The following BCAS3 variants were observed in gnomAD, a reference collection of about 807,000 sequenced individuals.
The protein encoded by BCAS3 is BCAS4/BCAS3 fusion.
A neutral mutation model predicts 116.1 loss-of-function variants in BCAS3; 53 were observed. That is an observed-to-expected ratio of 0.46 (90% CI 0.37 to 0.57). The LOEUF (loss-of-function observed/expected upper bound fraction) is 0.57. Among genes scored for constraint, BCAS3 ranks in the 20% least tolerant of loss-of-function variants. The pLI, the probability that BCAS3 is intolerant of heterozygous loss-of-function variation, is 0.00. For synonymous variants in BCAS3, 391 were observed against 408.2 expected (o/e 0.96, Z 0.51); for missense variants, 917 against 1,165.4 (o/e 0.79, Z 3.10).
intron 22 of BCAS3, among the ~76,000 whole-genome samples, chr17:61,114,683 C>T (rs1374914652): frequency 7.9e-5 from 12 of 152,066 alleles, no homozygotes; most frequent in Admixed American, 7.9e-4. Context: ...TTTACAGATT[C>T]AATGCTATCC....
In BCAS3 at chr17:61,363,636, T is replaced by C. The variant is rs1311996226; in HGVS notation, c.2426-4691T>C. ...AGTGGACACTAACTAATATTTGATA[T>C]ATGTGTGAGTTAACTGAAATAGCAA... is the stretch of plus-strand genomic sequence containing the variant. On this transcript the variant is annotated intron_variant, in intron 22 of 23. Transcript: ENST00000407086. The surrounding 1 kb of genome is among the most constrained non-coding windows in gnomAD (Gnocchi z 4.9). 6.6e-6 allele frequency among the ~76,000 whole-genome samples: 1 copy of C among 151,906 alleles called. No individual in the cohort carries two copies. Among genetic ancestry groups the C allele is most frequent in the Non-Finnish European group, 1.5e-5 (1 of 68,014 alleles).
intron 7 of BCAS3, among the ~76,000 whole-genome samples, chr17:60,830,156 T>C (rs570710997): frequency 6.6e-6 from 1 of 152,268 alleles, no homozygotes; most frequent in African/African-American, 2.4e-5. Flanking sequence ...CACGCCCGGC[T>C]AATTTTGTAT....
At chr17:60,987,292 C>G (rs1055757666) in intron 14 of BCAS3, 4 of 108,632 alleles carry the variant, frequency 3.7e-5, no homozygotes, top group Admixed American at 9.1e-5. Context: ...TTTTTTTTTT[C>G]TTTTTGCTCA....
At chr17:61,342,139 G>A (rs2057207021) in intron 22 of BCAS3, among the ~76,000 whole-genome samples, 1 of 152,070 alleles carries the variant, frequency 6.6e-6, no homozygotes, top group South Asian at 2.1e-4. Flanking sequence ...GAGTAGCTGG[G>A]ACTACAGGCA....
chr17:61,274,513 T>C (rs1046443564), intron 22 of BCAS3, among the ~76,000 whole-genome samples: 24 of 152,080 alleles, frequency 1.6e-4, no homozygotes, highest in African/African-American at 5.6e-4. Flanking sequence ...GGTCTCAAAC[T>C]CCTGACCTCA....
chr17:61,070,040 A>G (rs1474420366), intron 19 of BCAS3: 2 of 1,595,088 alleles, frequency 1.3e-6, no homozygotes, highest in Non-Finnish European at 1.7e-6. Flanking sequence ...CTCTGGAGAC[A>G]GCCCAAATAT....
Position 61,008,329 on chromosome 17 carries a change from G to C in BCAS3, c.1487-7422G>C, listed in dbSNP as rs746631954. Among the ~76,000 whole-genome samples the C allele has an allele frequency of 6.6e-6, 1 of 152,016 alleles. No homozygotes were observed. The highest frequency in any genetic ancestry group is 1.5e-5 in the Non-Finnish European group (1 of 67,968). On this transcript the variant is annotated intron_variant, in intron 15 of 23. Transcript: ENST00000407086. The surrounding 1 kb of genome is among the most constrained non-coding windows in gnomAD (Gnocchi z 4.6). The stretch of plus-strand genomic sequence containing the variant: ...GGGAGAAGAGAGAGATGGAGAGAGA[G>C]ACACACACTCCCATCCCAACCAAAA...
chr17:60,768,522 C>T (rs1015299755), intron 6 of BCAS3, among the ~76,000 whole-genome samples: 1 of 152,210 alleles, frequency 6.6e-6, no homozygotes, highest in Non-Finnish European at 1.5e-5. Flanking sequence ...CAGACTGGCT[C>T]TCCTTTCTTC....
chr17:60,999,309 G>A (rs1478946105), intron 15 of BCAS3, among the ~76,000 whole-genome samples: 3 of 152,046 alleles, frequency 2.0e-5, no homozygotes, highest in Middle Eastern at 3.2e-3. Context: ...GGAGATGAAG[G>A]CGGATGGATC....
intron 22 of BCAS3, among the ~76,000 whole-genome samples, chr17:61,330,305 GAGT>G (rs1457839541): frequency 2.1e-5 from 3 of 145,934 alleles, no homozygotes; most frequent in East Asian, 2.2e-4. Flanking sequence ...ACCCAGGCTG[GAGT>G]AGTACAGTGG....
intron 12 of BCAS3, among the ~76,000 whole-genome samples, chr17:60,921,823 A>C (rs1193335124): frequency 1.3e-5 from 2 of 151,904 alleles, no homozygotes; most frequent in African/African-American, 2.4e-5. Flanking sequence ...TAAAAAAAAA[A>C]CATGTAAACA....
rs1601405676 is a variant in BCAS3, at chr17:61,120,732, A to G, written c.2425+36168A>G. Among the ~76,000 whole-genome samples the G allele has an allele frequency of 2.6e-5, 4 of 152,256 alleles. No individual in the cohort carries two copies. The East Asian group carries it at 7.7e-4, about 29-fold the overall frequency. ...AAATAAGGACTTTTTTTTAAAAAAC[A>G]AAGTATTATCATGCCTGAGAAGATT... On this transcript the variant is annotated intron_variant, in intron 22 of 23. Coordinates refer to ENST00000407086, the MANE Select transcript of BCAS3 (RefSeq NM_017679.5).
At chr17:60,879,217 T>C (rs923331087) in intron 9 of BCAS3, among the ~76,000 whole-genome samples, 2 of 152,094 alleles carry the variant, frequency 1.3e-5, no homozygotes, top group Non-Finnish European at 2.9e-5. Flanking sequence ...ATAGCCCATG[T>C]TGAATGACAA....
rs2049053635 is a variant in BCAS3, at chr17:61,259,883, T to C, written c.2426-108444T>C. 6.6e-6 allele frequency among the ~76,000 whole-genome samples: 1 copy of C among 152,234 alleles called. No individual in the cohort carries two copies. Among genetic ancestry groups the C allele is most frequent in the South Asian group, 2.1e-4 (1 of 4,830 alleles). ...TGGCATCTTACTGAATAGGATATGC[T>C]TTTTATTACTTTGGACTGACCTAGT... On this transcript the variant is annotated intron_variant, in intron 22 of 23. Coordinates refer to ENST00000407086, the MANE Select transcript of BCAS3 (RefSeq NM_017679.5). This position sits in a 1 kb window ranked among gnomAD's most constrained non-coding sequence, Gnocchi z 4.7.
chr17:61,173,759 G>A (rs763849083), intron 22 of BCAS3, among the ~76,000 whole-genome samples: 2 of 152,016 alleles, frequency 1.3e-5, no homozygotes, highest in Admixed American at 6.6e-5. Flanking sequence ...GTGCAGGTGT[G>A]TAGTCCTAGC....
At chr17:60,798,984 G>T (rs2047456087) in intron 6 of BCAS3, among the ~76,000 whole-genome samples, 1 of 152,114 alleles carries the variant, frequency 6.6e-6, no homozygotes, top group Non-Finnish European at 1.5e-5. Flanking sequence ...TTGGGTGAGG[G>T]TGACCTCAGG....
Position 61,145,835 on chromosome 17 carries a change from T to C in BCAS3, c.2425+61271T>C, listed in dbSNP as rs2077170495. On this transcript the variant is annotated intron_variant, in intron 22 of 23. Transcript: ENST00000407086. This position sits in a 1 kb window ranked among gnomAD's most constrained non-coding sequence, Gnocchi z 5.0. The stretch of plus-strand genomic sequence containing the variant: ...GACAGAGGAAGTTTTAGGTTTGATT[T>C]GAACTTCATGTACAAGACATATTTC... 6.7e-6 allele frequency among the ~76,000 whole-genome samples: 1 copy of C among 149,844 alleles called. No individual in the cohort carries two copies.
chr17:61,260,435 T>G (rs1174438885), intron 22 of BCAS3, among the ~76,000 whole-genome samples: 2 of 152,230 alleles, frequency 1.3e-5, no homozygotes, highest in Non-Finnish European at 2.9e-5. Context: ...GGCATCATGT[T>G]TCTGAAATAT....
intron 5 of BCAS3, among the ~76,000 whole-genome samples, chr17:60,726,323 C>A (rs1424071306): frequency 1.3e-5 from 2 of 148,352 alleles, no homozygotes; most frequent in African/African-American, 5.0e-5. Context: ...GCCTTAGCCT[C>A]CCGAGTAGCT....
Sources: allele counts gnomAD v4.1 joint callset (sites outside exome capture counted in the v4.1 genomes callset), GRCh38; gene constraint gnomAD v4.1.1; non-coding constraint Gnocchi (gnomAD v3.1); transcripts MANE v1.5; gene names NCBI Gene and HGNC (gene_info 2026-07-23, HGNC 2026-07-21).